Variants in RPA1 observed in about 807,000 individuals in gnomAD.
RPA1 encodes replication protein A1.
Under a neutral mutation model 83.0 loss-of-function variants are expected in RPA1, and 49 were observed. The observed-to-expected ratio is 0.59, with a 90% CI of 0.47 to 0.75. RPA1 has a LOEUF of 0.75. Among genes scored for constraint, RPA1 ranks in the 30% least tolerant of loss-of-function variants. The probability of loss-of-function intolerance (pLI) is 0.00; values close to 1 mark genes in which losing one functional copy is unlikely to be tolerated. For synonymous variants in RPA1, 279 were observed against 281.8 expected (o/e 0.99, Z 0.10); for missense variants, 693 against 776.1 (o/e 0.89, Z 1.27).
chr17:1,846,082 T>A (rs910621506), intron 4 of RPA1, among the ~76,000 whole-genome samples: 12 of 152,200 alleles, frequency 7.9e-5, no homozygotes, highest in African/African-American at 2.7e-4. Flanking sequence ...CCTCTTTATC[T>A]CTGTGTTGGT....
intron 1 of RPA1, among the ~76,000 whole-genome samples, chr17:1,834,777 A>AAGT (rs1911750437): frequency 6.6e-6 from 1 of 152,222 alleles, no homozygotes; most frequent in African/African-American, 2.4e-5. Context: ...CAGAGGAAGG[A>AAGT]AGTACAGAGA....
chr17:1,877,149 A>T, intron 7 of RPA1, 63 bp from the exon 8 acceptor site: 1 of 1,464,640 alleles, frequency 6.8e-7, no homozygotes, highest in Non-Finnish European at 9.6e-7. Flanking sequence ...TAGGAAGATG[A>T]TTTCTTACTT....
rs1912564616 is a variant in RPA1 at position 1,853,193 on chromosome 17, A to C, written c.361+4A>C. On this transcript the variant is annotated splice_donor_region_variant and intron_variant, in intron 5 of 16. Coordinates refer to ENST00000254719, the MANE Select transcript of RPA1 (RefSeq NM_002945.5). ...AATCCAGTGCCCTATAATGAAGGTA[A>C]AATGCTTTGGCGTAGGTTGTAGCAC... The C allele has an allele frequency of 1.9e-6, 3 of 1,612,470 alleles. No homozygotes were observed. The highest frequency in any genetic ancestry group is 2.5e-6 in the Non-Finnish European group (3 of 1,178,488).
Position 1,897,638 on chromosome 17 carries a change from T to C in RPA1, c.*463T>C, listed in dbSNP as rs3744767. ...ATGAGCACCTGGGGATTTTAGTAAG[T>C]GTGTCTTCCTAGAATTCGAAGGCTC... On this transcript the variant is annotated 3_prime_UTR_variant, in exon 17 of 17. Transcript: ENST00000254719. 0.22 allele frequency: 35,799 copies of C among 161,142 alleles called. 4,106 individuals are homozygous for C. The highest frequency in any genetic ancestry group is 0.3 in the East Asian group (1,599 of 5,290). 10.0% of individuals were successfully genotyped at this position (161,142 alleles called of 1,614,324 possible).
At chr17:1,872,284 C>A in intron 5 of RPA1, 150 bp from the exon 6 acceptor site, 1 of 1,200,826 alleles carries the variant, frequency 8.3e-7, no homozygotes. Flanking sequence ...TCACCGAGTG[C>A]CATGGAATGC....
chr17:1,848,059 C>A (rs1216761823), intron 4 of RPA1, among the ~76,000 whole-genome samples: 2 of 151,966 alleles, frequency 1.3e-5, no homozygotes, highest in East Asian at 3.9e-4. Flanking sequence ...GAAACAAATT[C>A]AATGACTGGT....
rs17338649 is a variant in RPA1 at position 1,852,845 on chromosome 17, T to A, written c.273-256T>A. ...TCTTGTGTTTAGTAATCTAAATTCT[T>A]ACCATGTCGGTTGGCTCCTTGAAGA... is the stretch of plus-strand genomic sequence containing the variant. On this transcript the variant is annotated intron_variant, in intron 4 of 16. Coordinates refer to ENST00000254719, the MANE Select transcript of RPA1 (RefSeq NM_002945.5). Among the ~76,000 whole-genome samples, 1,028 of 152,336 alleles carry A rather than the reference T, an allele frequency of 6.7e-3. 13 individuals are homozygous for A. Among genetic ancestry groups the A allele is most frequent in the African/African-American group, 0.024 (978 of 41,560 alleles).
intron 15 of RPA1, among the ~76,000 whole-genome samples, chr17:1,892,213 G>A (rs1597461710): frequency 6.6e-6 from 1 of 152,088 alleles, no homozygotes; most frequent in African/African-American, 2.4e-5. Context: ...TACCATGTTG[G>A]CCAGGCTGGT....
chr17:1,879,798 G>A, intron 11 of RPA1, 99 bp downstream of exon 11: 1 of 1,466,254 alleles, frequency 6.8e-7, no homozygotes, highest in Non-Finnish European at 9.4e-7. Flanking sequence ...CACAGGAGGA[G>A]CTCCTGGAGT....
intron 1 of RPA1, among the ~76,000 whole-genome samples, chr17:1,840,427 C>T (rs1912001026): frequency 6.6e-6 from 1 of 152,170 alleles, no homozygotes; most frequent in South Asian, 2.1e-4. Flanking sequence ...GCTGGGACTA[C>T]AGGCACGTCC....
chr17:1,878,253 TA>T (rs1913641943), intron 8 of RPA1, among the ~76,000 whole-genome samples: 1 of 152,094 alleles, frequency 6.6e-6, no homozygotes, highest in South Asian at 2.1e-4. Flanking sequence ...TAATAATTCC[TA>T]AAATGTACTT....
At chr17:1,870,700 T>TAAG (rs1194324925) in intron 5 of RPA1, among the ~76,000 whole-genome samples, 1 of 152,200 alleles carries the variant, frequency 6.6e-6, no homozygotes, top group Non-Finnish European at 1.5e-5. Context: ...AGGTACCTCT[T>TAAG]AAGATTTAGC....
chr17:1,833,402 C>T (rs1333228193), intron 1 of RPA1, among the ~76,000 whole-genome samples: 1 of 152,126 alleles, frequency 6.6e-6, no homozygotes, highest in Non-Finnish European at 1.5e-5. Context: ...GGAAGAAAGG[C>T]AGCTTGGGGG....
At chr17:1,895,659 G>GTATGTATGTATGTATT (rs1555596985) in intron 16 of RPA1, among the ~76,000 whole-genome samples, 7 of 141,752 alleles carry the variant, frequency 4.9e-5, no homozygotes, top group African/African-American at 1.6e-4. Flanking sequence ...ATACCATATA[G>GTATGTATGTATGTATT]TATTTATTTA....
chr17:1,860,633 C>T (rs1567812201), intron 5 of RPA1, among the ~76,000 whole-genome samples: 1 of 149,736 alleles, frequency 6.7e-6, no homozygotes, highest in Non-Finnish European at 1.5e-5. Context: ...ACATACAGAG[C>T]ACAATGACAG....
chr17:1,836,898 C>T (rs1361131778), intron 1 of RPA1, among the ~76,000 whole-genome samples: 3 of 148,968 alleles, frequency 2.0e-5, no homozygotes, highest in Middle Eastern at 3.5e-3. Flanking sequence ...AGTGCAGTGG[C>T]GCAATCTCAG....
At chr17:1,890,839 A>C (rs965679442) in intron 14 of RPA1, among the ~76,000 whole-genome samples, 1 of 152,114 alleles carries the variant, frequency 6.6e-6, no homozygotes, top group African/African-American at 2.4e-5. Context: ...CCACAGCGCA[A>C]TCTCCCGCAC....
intron 4 of RPA1, among the ~76,000 whole-genome samples, chr17:1,848,504 G>A (rs533414613): frequency 8.2e-4 from 124 of 151,618 alleles, no homozygotes; most frequent in Non-Finnish European, 1.3e-3. Flanking sequence ...CCAGCTACTC[G>A]GGAGGCTGAG....
In RPA1 at chr17:1,898,449, T is replaced by G; in HGVS notation, c.*1274T>G. 6.6e-6 allele frequency: 1 copy of G among 152,238 alleles called. No individual in the cohort carries two copies. The highest frequency in any genetic ancestry group is 1.9e-4 in the East Asian group (1 of 5,196). 9.4% of individuals were successfully genotyped at this position (152,238 alleles called of 1,614,324 possible). On this transcript the variant is annotated 3_prime_UTR_variant, in exon 17 of 17. Coordinates refer to ENST00000254719, the MANE Select transcript of RPA1 (RefSeq NM_002945.5). ...TCGCTCTGTGTGTTCCTAATCATAT[T>G]AATTATCTATCCGGTGGCTGCAACA...
Sources: allele counts gnomAD v4.1 joint callset (sites outside exome capture counted in the v4.1 genomes callset), GRCh38; gene constraint gnomAD v4.1.1; transcripts MANE v1.5; gene names NCBI Gene and HGNC (gene_info 2026-07-23, HGNC 2026-07-21).